The following MAP3K5 variants were observed in gnomAD, a reference collection of about 807,000 sequenced individuals.
The protein encoded by MAP3K5 is mitogen-activated protein kinase kinase kinase 5, also known as ASK-1.
A neutral mutation model predicts 158.7 loss-of-function variants in MAP3K5; 56 were observed. That is an observed-to-expected ratio of 0.35 (90% CI 0.28 to 0.44). The LOEUF is 0.44. Among genes scored for constraint, MAP3K5 ranks in the 20% least tolerant of loss-of-function variants. MAP3K5 has a pLI of 1.00. For missense variants in MAP3K5, 1,294 were observed against 1,674.8 expected (o/e 0.77, Z 3.97); for synonymous variants, 579 against 601.7 (o/e 0.96, Z 0.55).
At chr6:136,686,945 A>C (rs1780175798) in intron 7 of MAP3K5, among the ~76,000 whole-genome samples, 1 of 152,206 alleles carries the variant, frequency 6.6e-6, no homozygotes, top group African/African-American at 2.4e-5. Flanking sequence ...GATGGAACCA[A>C]AAAAGAGCCC....
intron 1 of MAP3K5, among the ~76,000 whole-genome samples, chr6:136,759,483 A>ATATATATAT (rs1562681271): frequency 3.6e-5 from 2 of 56,174 alleles, no homozygotes; most frequent in Non-Finnish European, 8.4e-5. Context: ...TATATATATA[A>ATATATATAT]AGTTTGAGAC....
intron 7 of MAP3K5, among the ~76,000 whole-genome samples, chr6:136,688,293 T>C (rs1427236855): frequency 6.6e-6 from 1 of 152,048 alleles, no homozygotes; most frequent in Non-Finnish European, 1.5e-5. Context: ...AGGGGAGGCA[T>C]AGCATTAGAA....
intron 1 of MAP3K5, among the ~76,000 whole-genome samples, chr6:136,727,877 G>C (rs1782038440): frequency 6.6e-6 from 1 of 152,090 alleles, no homozygotes; most frequent in African/African-American, 2.4e-5. Context: ...CAGGAGAATG[G>C]GGTGAACCCA....
intron 12 of MAP3K5, among the ~76,000 whole-genome samples, chr6:136,641,432 C>G (rs1180249637): frequency 6.6e-6 from 1 of 152,148 alleles, no homozygotes; most frequent in Non-Finnish European, 1.5e-5. Flanking sequence ...GGTTTGAAAT[C>G]TGCAAGAGTT....
At chr6:136,643,625 T>C (rs1359080100) in intron 11 of MAP3K5, among the ~76,000 whole-genome samples, 1 of 152,202 alleles carries the variant, frequency 6.6e-6, no homozygotes, top group Non-Finnish European at 1.5e-5. Context: ...GCTAGGTCCA[T>C]GCAACTTAAA....
At chr6:136,727,697 A>G (rs568651484) in intron 1 of MAP3K5, among the ~76,000 whole-genome samples, 80 of 152,374 alleles carry the variant, frequency 5.3e-4, no homozygotes, top group African/African-American at 1.4e-3. Context: ...GCAGTGGCTC[A>G]CACCTGTAAT....
chr6:136,695,338 C>T (rs1780557753), intron 6 of MAP3K5, among the ~76,000 whole-genome samples: 1 of 151,986 alleles, frequency 6.6e-6, no homozygotes, highest in Non-Finnish European at 1.5e-5. Context: ...GGGGTTTCAC[C>T]GTGTTGCCCA....
Position 136,583,754 on chromosome 6 carries a change from T to TC in MAP3K5, c.3226-15dup, listed in dbSNP as rs561643969. On this transcript the variant is annotated splice_polypyrimidine_tract_variant and intron_variant, in intron 23 of 29. Coordinates refer to ENST00000359015, the MANE Select transcript of MAP3K5 (RefSeq NM_005923.4). ...TTCTTCAGCCCCCTGTGAATAAAAA[T>TC]CAACAATCCTTACATCAACATATGC... is the stretch of plus-strand genomic sequence containing the variant. The TC allele has an allele frequency of 5.1e-4, 828 of 1,611,690 alleles. 1 individual carries two copies. Among genetic ancestry groups the TC allele is most frequent in the Non-Finnish European group, 6.7e-4 (789 of 1,178,286 alleles).
chr6:136,722,382 T>C (rs1363158403), intron 1 of MAP3K5, among the ~76,000 whole-genome samples: 2 of 152,172 alleles, frequency 1.3e-5, no homozygotes, highest in Non-Finnish European at 2.9e-5. Flanking sequence ...GTTAATATCT[T>C]TATAAATCAT....
chr6:136,651,035 A>G lies in MAP3K5; in HGVS notation c.1737T>C (p.Asn579=), dbSNP rs1038011131. Reference sequence around the variant, plus strand: ...TAGAGATTGTCTTTTCCTCAACTTCATTGTTGATAGACAAATAAGAAGGTT... The same window carrying G: ...TAGAGATTGTCTTTTCCTCAACTTCGTTGTTGATAGACAAATAAGAAGGTT... The part of the protein sequence containing the change: ...IYQPSYLSIN[N]EVEEKTISIW... The change falls in exon 11 of 30, where the codon AAT becomes AAC. Residue 579 remains asparagine, a synonymous_variant. Transcript: ENST00000359015. 1.2e-6 allele frequency: 2 copies of G among 1,612,102 alleles called. No individual in the cohort carries two copies. Among genetic ancestry groups the G allele is most frequent in the Non-Finnish European group, 8.5e-7 (1 of 1,178,764 alleles).
intron 1 of MAP3K5, among the ~76,000 whole-genome samples, chr6:136,751,218 C>T (rs1215346075): frequency 1.3e-5 from 2 of 149,610 alleles, no homozygotes; most frequent in Admixed American, 1.3e-4. Flanking sequence ...GGCCCATTAT[C>T]CTGAACCTTC....
chr6:136,652,654 G>A (rs1055893484), intron 10 of MAP3K5, among the ~76,000 whole-genome samples: 3 of 152,052 alleles, frequency 2.0e-5, no homozygotes, highest in African/African-American at 7.2e-5. Flanking sequence ...CAAATTATGT[G>A]GGCACACTAT....
At chr6:136,633,666 C>A (rs1777484725) in intron 14 of MAP3K5, among the ~76,000 whole-genome samples, 1 of 152,066 alleles carries the variant, frequency 6.6e-6, no homozygotes, top group Non-Finnish European at 1.5e-5. Context: ...TTCAAATAAA[C>A]CTTATTGTTC....
chr6:136,648,400 G>C (rs148345527), intron 11 of MAP3K5, among the ~76,000 whole-genome samples: 180 of 152,246 alleles, frequency 1.2e-3, no homozygotes, highest in African/African-American at 3.8e-3. Context: ...AAAAGTGTCA[G>C]CTTGGACAGT....
chr6:136,573,278 C>T (rs1583203039), intron 25 of MAP3K5, among the ~76,000 whole-genome samples: 1 of 152,222 alleles, frequency 6.6e-6, no homozygotes, highest in Non-Finnish European at 1.5e-5. Flanking sequence ...TTCTCCCGCT[C>T]TTGGATATCA....
intron 21 of MAP3K5, 83 bp downstream of exon 21, chr6:136,600,939 T>A: frequency 1.4e-6 from 2 of 1,403,378 alleles, no homozygotes; most frequent in Non-Finnish European, 2.0e-6. Context: ...GAGCAGAGCA[T>A]GAGGCTACTT....
intron 18 of MAP3K5, among the ~76,000 whole-genome samples, chr6:136,610,927 G>A (rs1359817337): frequency 6.6e-6 from 1 of 151,718 alleles, no homozygotes; most frequent in Non-Finnish European, 1.5e-5. Context: ...GCAACATGGT[G>A]AAACCTTGTC....
chr6:136,587,736 C>G (rs1203318214), intron 23 of MAP3K5, among the ~76,000 whole-genome samples: 4 of 152,240 alleles, frequency 2.6e-5, no homozygotes, highest in African/African-American at 9.6e-5. Context: ...GCATGTGATT[C>G]TGATCAGCAG....
chr6:136,650,064 CCTAT>C (rs1168044130), intron 11 of MAP3K5, among the ~76,000 whole-genome samples: 2 of 152,136 alleles, frequency 1.3e-5, no homozygotes, highest in African/African-American at 4.8e-5. Context: ...GCTTTATTGC[CCTAT>C]CTGAGTGGAA....
Sources: allele counts gnomAD v4.1 joint callset (sites outside exome capture counted in the v4.1 genomes callset), GRCh38; gene constraint gnomAD v4.1.1; transcripts MANE v1.5; gene names NCBI Gene and HGNC (gene_info 2026-07-23, HGNC 2026-07-21).